The following PLCXD2 variants were observed in gnomAD, a reference collection of about 807,000 sequenced individuals.
PLCXD2 encodes phosphatidylinositol specific phospholipase C X domain containing 2.
In PLCXD2, 21 loss-of-function variants were observed where a neutral mutation model predicts 28.6. The observed-to-expected ratio is 0.73, with a 90% CI of 0.52 to 1.06. The LOEUF is 1.06. Ranked by LOEUF, PLCXD2 falls within the 50% of genes least tolerant of loss-of-function variation. PLCXD2 has a pLI of 0.00. For synonymous variants in PLCXD2, 140 were observed against 150.1 expected (o/e 0.93, Z 0.49); for missense variants, 369 against 376.7 (o/e 0.98, Z 0.17).
chr3:111,693,886 G>A (rs1239816608), intron 1 of PLCXD2, among the ~76,000 whole-genome samples: 1 of 152,220 alleles, frequency 6.6e-6, no homozygotes, highest in Non-Finnish European at 1.5e-5. Context: ...CAGGCACCAG[G>A]TGAGATGAAG....
At position 111,675,392 on chromosome 3, in the gene PLCXD2, C is replaced by A; in HGVS notation, c.147C>A (p.Ser49=). 6.2e-7 allele frequency: 1 copy of A among 1,614,172 alleles called. No individual in the cohort carries two copies. ...CTCACCTCCACAACCTCCCCCTTTC[C>A]AATCTGGCAATCCCAGGTATTCGTC... Residue 49 remains serine (S), a synonymous_variant, in exon 1 of 5, where the codon TCC becomes TCA. Coordinates refer to ENST00000477665, the MANE Select transcript of PLCXD2 (RefSeq NM_001185106.1).
chr3:111,718,250 G>A (rs966299721), intron 3 of PLCXD2, among the ~76,000 whole-genome samples: 1 of 152,114 alleles, frequency 6.6e-6, no homozygotes, highest in Non-Finnish European at 1.5e-5. Context: ...GGATCACCAG[G>A]TCAGGAGATC....
chr3:111,715,262 T>G (rs1941253067), intron 3 of PLCXD2, among the ~76,000 whole-genome samples: 1 of 152,244 alleles, frequency 6.6e-6, no homozygotes, highest in Non-Finnish European at 1.5e-5. Flanking sequence ...AGATCCCGAA[T>G]TAGAAGCTTT....
chr3:111,697,229 G>T (rs1324416152), intron 1 of PLCXD2, among the ~76,000 whole-genome samples: 2 of 152,138 alleles, frequency 1.3e-5, no homozygotes, highest in African/African-American at 4.8e-5. Flanking sequence ...TTGTCAAAAA[G>T]ATGGAGAATG....
intron 1 of PLCXD2, among the ~76,000 whole-genome samples, chr3:111,687,645 C>T (rs1940813714): frequency 6.6e-6 from 1 of 151,530 alleles, no homozygotes; most frequent in Non-Finnish European, 1.5e-5. Context: ...AACACATGTT[C>T]ATCCCTCTGT....
intron 1 of PLCXD2, among the ~76,000 whole-genome samples, chr3:111,707,352 GA>G (rs1941135577): frequency 6.6e-6 from 1 of 152,014 alleles, no homozygotes; most frequent in Non-Finnish European, 1.5e-5. Context: ...TTAGTTTCTT[GA>G]AATCCTGCCT....
chr3:111,725,880 C>A, intron 3 of PLCXD2: 1 of 398,586 alleles, frequency 2.5e-6, no homozygotes, highest in Non-Finnish European at 4.4e-6. Flanking sequence ...CCTTTTGTCT[C>A]CTGGCCATTC....
intron 1 of PLCXD2, among the ~76,000 whole-genome samples, chr3:111,680,548 G>A (rs952055532): frequency 6.6e-6 from 1 of 151,970 alleles, no homozygotes; most frequent in African/African-American, 2.4e-5. Flanking sequence ...CCTCTGAGTG[G>A]CCATGGTGAA....
chr3:111,688,881 G>C (rs1227820151), intron 1 of PLCXD2, among the ~76,000 whole-genome samples: 1 of 151,572 alleles, frequency 6.6e-6, no homozygotes, highest in Non-Finnish European at 1.5e-5. Context: ...TGCCAATTAT[G>C]AAATAAATAT....
chr3:111,715,229 A>G (rs545129165), intron 3 of PLCXD2, among the ~76,000 whole-genome samples: 53 of 152,322 alleles, frequency 3.5e-4, no homozygotes, highest in Non-Finnish European at 7.4e-4. Context: ...GAATTTTATA[A>G]ACCAGCACTA....
chr3:111,709,091 G>GAAA (rs372466061), intron 2 of PLCXD2, among the ~76,000 whole-genome samples: 3 of 53,578 alleles, frequency 5.6e-5, no homozygotes, highest in Non-Finnish European at 1.3e-4. Flanking sequence ...TACACTCTCT[G>GAAA]GAAAAAAAAA....
intron 1 of PLCXD2, among the ~76,000 whole-genome samples, chr3:111,680,639 C>A (rs1189983032): frequency 2.6e-5 from 4 of 152,164 alleles, no homozygotes; most frequent in Admixed American, 6.5e-5. Flanking sequence ...CTAGCCATCT[C>A]TCCTCCTGCA....
At chr3:111,723,177 T>A (rs534327050) in intron 3 of PLCXD2, 1 of 152,320 alleles carries the variant, frequency 6.6e-6, no homozygotes, top group African/African-American at 2.4e-5. Context: ...CTTTTTACCC[T>A]TTGTTACTTG....
intron 1 of PLCXD2, among the ~76,000 whole-genome samples, chr3:111,682,783 C>G (rs1032167019): frequency 1.3e-5 from 2 of 152,134 alleles, no homozygotes; most frequent in African/African-American, 4.8e-5. Flanking sequence ...TCCCCAGGTT[C>G]GAGTTTAGGT....
At chr3:111,706,520 A>G (rs939622466) in intron 1 of PLCXD2, among the ~76,000 whole-genome samples, 2 of 152,200 alleles carry the variant, frequency 1.3e-5, no homozygotes, top group African/African-American at 4.8e-5. Context: ...GAAAGGTACA[A>G]AGAATATACA....
At chr3:111,688,547 A>C (rs923397053) in intron 1 of PLCXD2, among the ~76,000 whole-genome samples, 1 of 152,200 alleles carries the variant, frequency 6.6e-6, no homozygotes, top group Non-Finnish European at 1.5e-5. Flanking sequence ...TGGCTGACCT[A>C]AGTATCCAGC....
intron 3 of PLCXD2, among the ~76,000 whole-genome samples, chr3:111,718,523 AGATAGATAGATTGATT>A (rs1358113181): frequency 4.3e-5 from 6 of 138,442 alleles, no homozygotes; most frequent in South Asian, 4.6e-4. Flanking sequence ...ATAGATAGAT[AGATAGATAGATTGATT>A]GATTTATGAT....
chr3:111,687,341 A>T (rs1038122003), intron 1 of PLCXD2, among the ~76,000 whole-genome samples: 7 of 152,192 alleles, frequency 4.6e-5, no homozygotes, highest in African/African-American at 1.7e-4. Flanking sequence ...CAGACTAATG[A>T]TGGTAATTAA....
chr3:111,697,654 T>G (rs1940981564), intron 1 of PLCXD2, among the ~76,000 whole-genome samples: 1 of 152,194 alleles, frequency 6.6e-6, no homozygotes, highest in Non-Finnish European at 1.5e-5. Context: ...GTTTTTTCCA[T>G]TTCAAATAAT....
Sources: allele counts gnomAD v4.1 joint callset (sites outside exome capture counted in the v4.1 genomes callset), GRCh38; gene constraint gnomAD v4.1.1; transcripts MANE v1.5; gene names NCBI Gene and HGNC (gene_info 2026-07-23, HGNC 2026-07-21).